Variants in TRIP4 observed in about 807,000 individuals in gnomAD.
TRIP4 encodes thyroid hormone receptor interactor 4, also known as activating signal cointegrator 1.
In TRIP4, 54 loss-of-function variants were observed where a neutral mutation model predicts 81.8. The observed-to-expected ratio is 0.66, with a 90% CI of 0.53 to 0.83. The LOEUF (loss-of-function observed/expected upper bound fraction) is 0.83. Among genes scored for constraint, TRIP4 ranks in the 40% least tolerant of loss-of-function variants. The pLI, the probability that TRIP4 is intolerant of heterozygous loss-of-function variation, is 0.00. For synonymous variants in TRIP4, 270 were observed against 242.8 expected (o/e 1.11, Z -1.04); for missense variants, 662 against 683.6 (o/e 0.97, Z 0.35).
At chr15:64,432,366 C>T (rs923877045) in intron 11 of TRIP4, among the ~76,000 whole-genome samples, 4 of 151,918 alleles carry the variant, frequency 2.6e-5, no homozygotes, top group Admixed American at 6.6e-5. Context: ...GTAATCCCAC[C>T]GCTTTGGGAG....
At chr15:64,405,793 G>A (rs1310569668) in intron 5 of TRIP4, among the ~76,000 whole-genome samples, 1 of 152,002 alleles carries the variant, frequency 6.6e-6, no homozygotes, top group Non-Finnish European at 1.5e-5. Flanking sequence ...CCAGGACTTT[G>A]AAACCAGCCT....
intron 11 of TRIP4, among the ~76,000 whole-genome samples, chr15:64,437,277 G>T (rs1892422864): frequency 6.7e-6 from 1 of 148,866 alleles, no homozygotes; most frequent in South Asian, 2.1e-4. Flanking sequence ...AAAAAAATTA[G>T]CCAGGCGCAT....
chr15:64,425,398 G>A, intron 10 of TRIP4, 142 bp from the exon 11 acceptor site: 1 of 753,630 alleles, frequency 1.3e-6, no homozygotes, highest in Non-Finnish European at 2.1e-6. Flanking sequence ...GTTGTGCCAA[G>A]TAAATTTCAC....
At chr15:64,404,587 A>G (rs1891582627) in intron 5 of TRIP4, among the ~76,000 whole-genome samples, 1 of 152,174 alleles carries the variant, frequency 6.6e-6, no homozygotes, top group African/African-American at 2.4e-5. Context: ...CTGGGATTAC[A>G]GGCATGAACC....
Position 64,397,638 on chromosome 15 carries a change from G to T in TRIP4, c.438G>T (p.Lys146Asn), listed in dbSNP as rs762487579. ...AQENSNSVKK[K>N]TKFVNLYTRE... ...AGAACAGCAACTCCGTAAAGAAGAA[G>T]ACAAAGTTTGTCAATTTATACACAA... Residue 146 changes from lysine (K) to asparagine (N), a missense_variant, in exon 4 of 13, where the codon AAG (lysine) becomes AAT (asparagine). By Grantham distance (94) the Lys-to-Asn change is moderately conservative. Transcript: ENST00000261884. 2.0e-5 allele frequency: 32 copies of T among 1,613,480 alleles called. 1 individual carries two copies. The highest frequency in any genetic ancestry group is 2.5e-5 in the Non-Finnish European group (30 of 1,179,484).
At chr15:64,404,743 C>A (rs184455199) in intron 5 of TRIP4, among the ~76,000 whole-genome samples, 33 of 151,586 alleles carry the variant, frequency 2.2e-4, no homozygotes, top group Admixed American at 1.9e-3. Context: ...TTTAGACGGT[C>A]TCTGTCAGGC....
At chr15:64,432,755 CA>C (rs1378690800) in intron 11 of TRIP4, among the ~76,000 whole-genome samples, 4 of 148,322 alleles carry the variant, frequency 2.7e-5, no homozygotes, top group Non-Finnish European at 4.5e-5. Context: ...ACTAAAAATA[CA>C]AAAAATTAGC....
At chr15:64,454,411 G>T (rs1892840237) in intron 12 of TRIP4, among the ~76,000 whole-genome samples, 1 of 152,096 alleles carries the variant, frequency 6.6e-6, no homozygotes, top group African/African-American at 2.4e-5. Context: ...TGGGAAGGTT[G>T]CTTGTTTTCT....
In TRIP4 at chr15:64,425,564, C is replaced by G. The variant is rs766456822; in HGVS notation, c.1508C>G (p.Pro503Arg). 2 of 1,611,698 alleles carry G rather than the reference C, an allele frequency of 1.2e-6. No homozygotes were observed. Among genetic ancestry groups the G allele is most frequent in the Non-Finnish European group, 1.7e-6 (2 of 1,179,202 alleles). Residue 503 changes from proline (P) to arginine (R), a missense_variant, in exon 11 of 13, where the codon CCG becomes CGG. Transcript: ENST00000261884. ...GKDVEFPNDY[P>R]SGCLLGCVDL... is the part of the protein sequence containing the mutation. ...GATGTGGAATTTCCTAATGACTATC[C>G]GTCAGGTTGTCTTCTGGGCTGTGTG...
intron 1 of TRIP4, among the ~76,000 whole-genome samples, chr15:64,392,594 A>G (rs1056961215): frequency 2.6e-5 from 4 of 151,890 alleles, no homozygotes; most frequent in Non-Finnish European, 5.9e-5. Flanking sequence ...CAGCCTCCCA[A>G]AGTGCTGGGA....
At chr15:64,394,557 A>G (rs1900233648) in intron 2 of TRIP4, among the ~76,000 whole-genome samples, 1 of 150,800 alleles carries the variant, frequency 6.6e-6, no homozygotes, top group Non-Finnish European at 1.5e-5. Flanking sequence ...GTGAGCTGAG[A>G]TAGCACCACT....
At chr15:64,443,832 G>A (rs577076240) in intron 11 of TRIP4, among the ~76,000 whole-genome samples, 32 of 151,980 alleles carry the variant, frequency 2.1e-4, no homozygotes, top group Middle Eastern at 6.8e-3. Context: ...GATCAGCCTG[G>A]GCAACATAGA....
At chr15:64,414,976 TC>T (rs1259962647) in intron 8 of TRIP4, among the ~76,000 whole-genome samples, 2 of 151,860 alleles carry the variant, frequency 1.3e-5, no homozygotes, top group East Asian at 3.9e-4. Flanking sequence ...GTGCCTGTAG[TC>T]CCAGCTACTT....
intron 11 of TRIP4, among the ~76,000 whole-genome samples, chr15:64,426,087 A>G (rs1198941915): frequency 2.0e-5 from 3 of 148,706 alleles, no homozygotes; most frequent in Non-Finnish European, 4.5e-5. Flanking sequence ...CTTCTGGGGG[A>G]AAAAAAAAAG....
At chr15:64,397,283 G>C (rs1166685209) in intron 3 of TRIP4, among the ~76,000 whole-genome samples, 1 of 151,984 alleles carries the variant, frequency 6.6e-6, no homozygotes, top group Non-Finnish European at 1.5e-5. Flanking sequence ...AGGCATTCTT[G>C]TTTCTTATGA....
chr15:64,446,406 ATT>A (rs1429155524), intron 12 of TRIP4, among the ~76,000 whole-genome samples: 11 of 134,404 alleles, frequency 8.2e-5, no homozygotes, highest in Admixed American at 1.5e-4. Flanking sequence ...CCTTTTTAAC[ATT>A]TTTTTTTTTT....
intron 12 of TRIP4, among the ~76,000 whole-genome samples, chr15:64,446,716 T>A (rs1447113461): frequency 6.6e-6 from 1 of 151,892 alleles, no homozygotes. Flanking sequence ...TTTAAAAATT[T>A]TTATTAGTTA....
intron 9 of TRIP4, among the ~76,000 whole-genome samples, chr15:64,423,822 G>A (rs778555981): frequency 6.6e-6 from 1 of 152,192 alleles, no homozygotes; most frequent in Non-Finnish European, 1.5e-5. Flanking sequence ...TATTCTGATG[G>A]AGGAGAAATT....
chr15:64,399,256 C>T (rs752814646), intron 4 of TRIP4, among the ~76,000 whole-genome samples: 6 of 151,380 alleles, frequency 4.0e-5, no homozygotes, highest in Non-Finnish European at 7.4e-5. Flanking sequence ...CTGGTGGGAC[C>T]CTTAATTTTT....
Sources: gnomAD v4.1 joint callset for allele counts (sites outside exome capture counted in the v4.1 genomes callset) on GRCh38, gnomAD v4.1.1 for gene constraint, MANE v1.5 for transcripts, NCBI Gene and HGNC (gene_info 2026-07-23, HGNC 2026-07-21) for gene names.